Variants in THSD7A observed in about 807,000 individuals in gnomAD.
THSD7A encodes thrombospondin type 1 domain containing 7A.
Under a neutral mutation model 231.3 loss-of-function variants are expected in THSD7A, and 96 were observed. The ratio of observed to expected loss-of-function variants is 0.41; its 90% confidence interval spans 0.35 to 0.49. THSD7A has a LOEUF of 0.49. Among genes scored for constraint, THSD7A ranks in the 20% least tolerant of loss-of-function variants. THSD7A has a pLI of 0.05. For missense variants in THSD7A, 2,290 were observed against 2,070.2 expected, an observed-to-expected ratio of 1.11 and a Z score of -2.06; for synonymous variants, 940 against 743.3, an observed-to-expected ratio of 1.26 and a Z score of -4.30.
At chr7:11,469,145 C>T (rs957185077) in intron 9 of THSD7A, among the ~76,000 whole-genome samples, 4 of 152,014 alleles carry the variant, frequency 2.6e-5, no homozygotes, top group African/African-American at 9.7e-5. Flanking sequence ...AAAAAATTAT[C>T]TGTATTTGTT....
chr7:11,554,991 C>CTT (rs1322616019), intron 4 of THSD7A, among the ~76,000 whole-genome samples: 2 of 151,598 alleles, frequency 1.3e-5, no homozygotes, highest in Non-Finnish European at 3.0e-5. Flanking sequence ...TGTGTTTTTT[C>CTT]TTTTTTCTTT....
intron 1 of THSD7A, among the ~76,000 whole-genome samples, chr7:11,830,101 C>G (rs1358397492): frequency 6.6e-6 from 1 of 152,198 alleles, no homozygotes; most frequent in Non-Finnish European, 1.5e-5. Context: ...AGGACTGGCA[C>G]TGGAATCAAG....
At chr7:11,528,104 G>A (rs1051150723) in intron 6 of THSD7A, among the ~76,000 whole-genome samples, 10 of 151,884 alleles carry the variant, frequency 6.6e-5, no homozygotes, top group African/African-American at 2.4e-4. Flanking sequence ...GAGTTTGAGG[G>A]CTGCAGTGAG....
At chr7:11,644,061 A>C (rs1042945902) in intron 1 of THSD7A, among the ~76,000 whole-genome samples, 2 of 151,936 alleles carry the variant, frequency 1.3e-5, no homozygotes, top group Non-Finnish European at 2.9e-5. Context: ...AAAAAAAAAA[A>C]AACCTTAATT....
At chr7:11,827,451 C>T (rs562713435) in intron 1 of THSD7A, among the ~76,000 whole-genome samples, 5 of 152,182 alleles carry the variant, frequency 3.3e-5, no homozygotes, top group African/African-American at 1.2e-4. Flanking sequence ...CCTTTCTAAA[C>T]TTTTAAAATA....
intron 10 of THSD7A, among the ~76,000 whole-genome samples, chr7:11,461,587 C>T (rs1439555765): frequency 6.6e-6 from 1 of 152,164 alleles, no homozygotes; most frequent in Non-Finnish European, 1.5e-5. Context: ...ATACAGATGT[C>T]ATTTCCTGAG....
At chr7:11,407,833 C>T (rs538580580) in intron 19 of THSD7A, among the ~76,000 whole-genome samples, 1 of 152,154 alleles carries the variant, frequency 6.6e-6, no homozygotes, top group East Asian at 1.9e-4. Flanking sequence ...TTTATTTTTA[C>T]ATATCTTAAA....
At position 11,670,696 on chromosome 7, in the gene THSD7A, G is replaced by A. The variant is rs186451278; in HGVS notation, c.191-33735C>T. On this transcript the variant is annotated intron_variant, in intron 1 of 27. Coordinates refer to ENST00000423059, the MANE Select transcript of THSD7A (RefSeq NM_015204.3). ...CCATTAGGATCACAGCACTGTAGAT[G>A]GTATTAACTTATTCTGCACAAGCAC... is the stretch of plus-strand genomic sequence containing the variant. Among the ~76,000 whole-genome samples, 11 of 152,078 alleles carry A rather than the reference G, an allele frequency of 7.2e-5. No individual in the cohort carries two copies. The East Asian group carries it at 2.1e-3, about 29-fold the overall frequency.
At chr7:11,483,396 C>G in intron 6 of THSD7A, among the ~76,000 whole-genome samples, 1 of 152,132 alleles carries the variant, frequency 6.6e-6, no homozygotes, top group East Asian at 1.9e-4. Context: ...ATTAGACTTA[C>G]TCACTAGTAA....
chr7:11,571,418 A>G (rs1583999002), intron 4 of THSD7A, among the ~76,000 whole-genome samples: 1 of 152,330 alleles, frequency 6.6e-6, no homozygotes. Flanking sequence ...TTGCTAAATC[A>G]TTGGCCGTGC....
intron 1 of THSD7A, among the ~76,000 whole-genome samples, chr7:11,769,144 TATATA>T (rs1303797627): frequency 4.0e-4 from 27 of 67,364 alleles, no homozygotes; most frequent in African/African-American, 1.3e-3. Context: ...TATATATATA[TATATA>T]TATATTTTTT....
chr7:11,828,661 A>T (rs1197071891), intron 1 of THSD7A, among the ~76,000 whole-genome samples: 1 of 152,172 alleles, frequency 6.6e-6, no homozygotes, highest in Non-Finnish European at 1.5e-5. Context: ...CTTTTACCAC[A>T]GTGGTTACAT....
chr7:11,535,679 G>C (rs1258441036), intron 6 of THSD7A, among the ~76,000 whole-genome samples: 1 of 152,018 alleles, frequency 6.6e-6, no homozygotes, highest in Non-Finnish European at 1.5e-5. Context: ...AAACGATTCA[G>C]TTATAGGATG....
chr7:11,761,865 T>C (rs1782873642), intron 1 of THSD7A, among the ~76,000 whole-genome samples: 1 of 152,042 alleles, frequency 6.6e-6, no homozygotes, highest in South Asian at 2.1e-4. Context: ...ATAGTGGACA[T>C]AGTACCCAAT....
At chr7:11,597,308 G>C (rs528913758) in intron 2 of THSD7A, among the ~76,000 whole-genome samples, 2 of 152,224 alleles carry the variant, frequency 1.3e-5, no homozygotes, top group Admixed American at 6.5e-5. Flanking sequence ...ACAATGGCTA[G>C]TGGGCTTATT....
intron 2 of THSD7A, among the ~76,000 whole-genome samples, chr7:11,629,473 T>C (rs1379130242): frequency 2.0e-5 from 3 of 152,152 alleles, no homozygotes; most frequent in Admixed American, 2.0e-4. Context: ...TTTTAAGATC[T>C]AAAAGCCTGC....
At position 11,754,952 on chromosome 7, in the gene THSD7A, TA is replaced by T. The variant is rs1331612699; in HGVS notation, c.190+76804del. On this transcript the variant is annotated intron_variant, in intron 1 of 27. Transcript: ENST00000423059. Reference sequence around the variant, plus strand: ...ACTGTATTATATAGTTTATGTTGAGTAAAAAAAAGTTTATTCCTTAGGCGTA... The same window carrying T: ...ACTGTATTATATAGTTTATGTTGAGTAAAAAAAGTTTATTCCTTAGGCGTA... Among the ~76,000 whole-genome samples the T allele has an allele frequency of 4.6e-5, 7 of 152,000 alleles. No homozygotes were observed. In the East Asian group the frequency reaches 1.4e-3, roughly 29 times the overall value.
Position 11,617,952 on chromosome 7 carries a change from G to A in THSD7A, c.1022+18178C>T, listed in dbSNP as rs1986071. On this transcript the variant is annotated intron_variant, in intron 2 of 27. Transcript: ENST00000423059. The stretch of plus-strand genomic sequence containing the variant: ...GTATACATATGTAACAAACCTGCAC[G>A]TTTTGCACATGTACCCTAGAACTTA... 9.9e-3 allele frequency among the ~76,000 whole-genome samples: 1,503 copies of A among 152,120 alleles called. 5 individuals are homozygous for A. The highest frequency in any genetic ancestry group is 0.016 in the African/African-American group (644 of 41,474).
In THSD7A at chr7:11,800,442, G is replaced by A. The variant is rs56108252; in HGVS notation, c.190+31315C>T. Among the ~76,000 whole-genome samples the A allele has an allele frequency of 9.2e-5, 14 of 152,174 alleles. No individual in the cohort carries two copies. The South Asian group carries it at 1.0e-3, about 11-fold the overall frequency. ...TGGGCGCCTGTAATCCCAGCTATTC[G>A]GGAGGCTGAGGCAGGAGAATCGGTT... On this transcript the variant is annotated intron_variant, in intron 1 of 27. Coordinates refer to ENST00000423059, the MANE Select transcript of THSD7A (RefSeq NM_015204.3).
Sources: gnomAD v4.1 joint callset for allele counts (sites outside exome capture counted in the v4.1 genomes callset) on GRCh38, gnomAD v4.1.1 for gene constraint, MANE v1.5 for transcripts, NCBI Gene and HGNC (gene_info 2026-07-23, HGNC 2026-07-21) for gene names.